The following TNS1 variants were observed in gnomAD, a reference collection of about 807,000 sequenced individuals.
TNS1 encodes the protein tensin-1.
A neutral mutation model predicts 168.6 loss-of-function variants in TNS1; 62 were observed. The ratio of observed to expected loss-of-function variants is 0.37; its 90% confidence interval spans 0.30 to 0.45. The LOEUF (loss-of-function observed/expected upper bound fraction) is 0.45, where lower values mean the gene tolerates loss of function less well. Ranked by LOEUF, TNS1 falls within the 20% of genes least tolerant of loss-of-function variation. The pLI, the probability that TNS1 is intolerant of heterozygous loss-of-function variation, is 1.00. For synonymous variants in TNS1, 934 were observed against 933.2 expected (o/e 1.00, Z -0.02); for missense variants, 2,240 against 2,339.4 (o/e 0.96, Z 0.88).
Position 217,893,517 on chromosome 2 carries a change from C to T in TNS1, c.639G>A (p.Glu213=). 1 of 1,613,512 alleles carries T rather than the reference C, an allele frequency of 6.2e-7. No individual in the cohort carries two copies. The highest frequency in any genetic ancestry group is 2.2e-5 in the East Asian group (1 of 44,862). The change falls in exon 10 of 33, where the codon GAG becomes GAA. Residue 213 remains glutamate, a synonymous_variant. Transcript: ENST00000682258. ...GWPDLHTPAL[E]KICSICKAMD... is the part of the protein sequence containing the mutation. ...TGGCCTTACAGATGCTGCAGATCTTCTCCAGGGCTGGGGTGTGGAGGTCGG... is the reference window on the plus strand; with the variant it reads ...TGGCCTTACAGATGCTGCAGATCTTTTCCAGGGCTGGGGTGTGGAGGTCGG...
At chr2:217,941,440 C>A (rs993790552) in intron 3 of TNS1, among the ~76,000 whole-genome samples, 1 of 152,226 alleles carries the variant, frequency 6.6e-6, no homozygotes, top group Non-Finnish European at 1.5e-5. Context: ...CAGCTGGGTG[C>A]GGACCTGGTA....
chr2:217,997,945 T>C (rs1018086084), intron 1 of TNS1, among the ~76,000 whole-genome samples: 1 of 152,258 alleles, frequency 6.6e-6, no homozygotes, highest in Admixed American at 6.5e-5. Flanking sequence ...GCCTGGCCTC[T>C]GTTTTCTGTA....
chr2:217,868,508 G>A (rs527848895), intron 18 of TNS1, among the ~76,000 whole-genome samples: 15 of 152,312 alleles, frequency 9.8e-5, no homozygotes, highest in East Asian at 5.8e-4. Flanking sequence ...AGGTGAACTC[G>A]GGGAAGCATT....
intron 3 of TNS1, among the ~76,000 whole-genome samples, chr2:217,971,887 T>C (rs1031999114): frequency 3.3e-5 from 5 of 152,156 alleles, no homozygotes; most frequent in African/African-American, 1.2e-4. Context: ...AGACATATCA[T>C]ATTTGCCTAT....
At chr2:217,814,775 A>G in intron 25 of TNS1, 137 bp downstream of exon 25, 1 of 660,370 alleles carries the variant, frequency 1.5e-6, no homozygotes, top group African/African-American at 1.8e-5. Context: ...CCTACTGTCC[A>G]GCTTCAACCC....
intron 6 of TNS1, 83 bp from the exon 7 acceptor site, chr2:217,900,595 G>C: frequency 7.4e-7 from 1 of 1,359,632 alleles, no homozygotes; most frequent in Non-Finnish European, 1.0e-6. Context: ...GTCCACGGGG[G>C]CAAACATGAT....
intron 19 of TNS1, among the ~76,000 whole-genome samples, chr2:217,845,380 A>G (rs1946500506): frequency 1.3e-5 from 2 of 151,454 alleles, no homozygotes; most frequent in South Asian, 4.2e-4. Flanking sequence ...ACTTTTCCAC[A>G]CATTGATCTT....
chr2:217,898,116 C>T, intron 7 of TNS1, 147 bp from the exon 8 acceptor site: 1 of 983,700 alleles, frequency 1.0e-6, no homozygotes, highest in Non-Finnish European at 1.4e-6. Flanking sequence ...GCCAAGGCCA[C>T]AGGCTTCCTC....
intron 3 of TNS1, among the ~76,000 whole-genome samples, chr2:217,973,681 G>C (rs902470940): frequency 2.0e-5 from 3 of 152,202 alleles, no homozygotes; most frequent in Non-Finnish European, 4.4e-5. Context: ...CCTATGCCAA[G>C]GTGCCATTAG....
chr2:217,934,622 T>C (rs1344934256), intron 3 of TNS1, among the ~76,000 whole-genome samples: 2 of 152,162 alleles, frequency 1.3e-5, no homozygotes, highest in Non-Finnish European at 2.9e-5. Flanking sequence ...GCCAAGCGTA[T>C]CCCCACCTGA....
rs1342042695 is a variant in TNS1 at position 217,817,880 on chromosome 2, C to T, written c.4452G>A (p.Gly1484=). 1 of 1,614,104 alleles carries T rather than the reference C, an allele frequency of 6.2e-7. No individual in the cohort carries two copies. The change falls in exon 24 of 33, where the codon GGG becomes GGA. Residue 1484 remains glycine, a synonymous_variant. Transcript: ENST00000682258. ...TCTCTGGCAAGGCTGGTGTTGGGCTCCCTTGCCGGAAGGCTGCGGAGTCTG... is the reference window on the plus strand; with the variant it reads ...TCTCTGGCAAGGCTGGTGTTGGGCTTCCTTGCCGGAAGGCTGCGGAGTCTG... ...PSPDSAAFRQ[G]SPTPALPEKR...
chr2:217,809,405 A>G (rs1412161709), intron 30 of TNS1, among the ~76,000 whole-genome samples: 27 of 108,136 alleles, frequency 2.5e-4, no homozygotes, highest in African/African-American at 9.0e-4. Flanking sequence ...GGATGGATGG[A>G]TGGATGGATG....
intron 18 of TNS1, among the ~76,000 whole-genome samples, chr2:217,870,611 C>T (rs960864717): frequency 1.3e-5 from 2 of 152,192 alleles, no homozygotes; most frequent in Non-Finnish European, 2.9e-5. Flanking sequence ...CTGCCTCGAT[C>T]TGGATATTTG....
chr2:217,971,421 T>C (rs1345008054), intron 3 of TNS1, among the ~76,000 whole-genome samples: 1 of 152,262 alleles, frequency 6.6e-6, no homozygotes, highest in Admixed American at 6.5e-5. Context: ...TTTATTGCAG[T>C]GTAGTATCCC....
intron 3 of TNS1, among the ~76,000 whole-genome samples, chr2:217,930,864 A>G (rs188343672): frequency 2.0e-4 from 30 of 152,216 alleles, no homozygotes; most frequent in African/African-American, 6.0e-4. Flanking sequence ...TCCCTGACCT[A>G]TTCTGAAGCA....
chr2:218,010,114 A>C (rs1217567270), exon 1 of TNS1: 1 of 399,026 alleles, frequency 2.5e-6, no homozygotes, highest in African/African-American at 2.1e-5. Flanking sequence ...CTGCGGAGGC[A>C]GAAGCGCAGG....
chr2:218,007,564 G>GT (rs1210810565), upstream of TNS1, among the ~76,000 whole-genome samples: 71 of 106,822 alleles, frequency 6.6e-4, 1 homozygote, highest in African/African-American at 1.8e-3. Flanking sequence ...AGGCTCGGGG[G>GT]GTGGGGGGGG....
intron 2 of TNS1, 194 bp from the exon 3 acceptor site, chr2:217,978,996 C>G (rs1957967221): frequency 3.6e-6 from 2 of 560,068 alleles, no homozygotes; most frequent in South Asian, 2.2e-5. Flanking sequence ...GGCGGGAGTG[C>G]CCGGGACTGA....
chr2:217,935,795 G>A lies in TNS1; in HGVS notation c.187-15559C>T, dbSNP rs984711699. 5.3e-5 allele frequency among the ~76,000 whole-genome samples: 8 copies of A among 152,164 alleles called. No homozygotes were observed. The East Asian group carries it at 5.8e-4, about 11-fold the overall frequency. ...GCAGAACAGCCTGCATGCCAGACCC[G>A]CTCTATTTGTTTCCTGCATTTTACA... On this transcript the variant is annotated intron_variant, in intron 3 of 32. Transcript: ENST00000682258.
Sources: allele counts gnomAD v4.1 joint callset (sites outside exome capture counted in the v4.1 genomes callset), GRCh38; gene constraint gnomAD v4.1.1; transcripts MANE v1.5; gene names NCBI Gene and HGNC (gene_info 2026-07-23, HGNC 2026-07-21).